The following MXRA5 variants were observed in gnomAD, a reference collection of about 807,000 sequenced individuals.
MXRA5 encodes the protein matrix remodeling associated 5.
Under a neutral mutation model 112.5 loss-of-function variants are expected in MXRA5, and 41 were observed. The observed-to-expected ratio is 0.36, with a 90% CI of 0.28 to 0.47. The LOEUF (loss-of-function observed/expected upper bound fraction) is 0.47, where lower values mean the gene tolerates loss of function less well. MXRA5 is among the 20% of genes least tolerant of loss of function. The probability of loss-of-function intolerance (pLI) is 0.99; values close to 1 mark genes in which losing one functional copy is unlikely to be tolerated. For missense variants in MXRA5, 2,150 were observed against 2,251.0 expected, an observed-to-expected ratio of 0.96 and a Z score of 0.91; for synonymous variants, 862 against 900.8, an observed-to-expected ratio of 0.96 and a Z score of 0.77.
chrX:3,333,519 C>G (rs761225630), intron 2 of MXRA5, among the ~76,000 whole-genome samples: 32 of 110,131 alleles, frequency 2.9e-4, no homozygotes, highest in Non-Finnish European at 3.8e-5. Context: ...ATAATGTCCC[C>G]TTTACAAAGA....
chrX:3,315,957 TC>T (rs1316481988), intron 6 of MXRA5, among the ~76,000 whole-genome samples: 5 of 102,620 alleles, frequency 4.9e-5, no homozygotes, highest in African/African-American at 1.6e-4. Context: ...TATCCTTTTT[TC>T]CTTTTTTTTT....
Position 3,320,296 on chromosome X carries a change from C to T in MXRA5, c.5389G>A (p.Gly1797Arg). 8.3e-7 allele frequency: 1 copy of T among 1,211,306 alleles called. No individual in the cohort carries two copies. Among genetic ancestry groups the T allele is most frequent in the Non-Finnish European group, 1.1e-6 (1 of 895,265 alleles). The change falls in exon 5 of 7, where the codon GGA (glycine) becomes AGA (arginine). Residue 1797 changes from glycine (G) to arginine (R), a missense_variant. Gly to Arg is a moderately radical substitution (Grantham distance 125, BLOSUM62 -2). Transcript: ENST00000217939. ...PPLLHTPQTT[G>R]SPSTNLQNIP... The stretch of plus-strand genomic sequence containing the variant: ...TTCTGTAAGTTAGTTGAGGGTGATC[C>T]CGTGGTCTGCGGAGTGTGCAACAAC...
Position 3,324,705 on chromosome X carries a change from C to G in MXRA5, c.980G>C (p.Gly327Ala), listed in dbSNP as rs1439703305. Residue 327 changes from glycine to alanine, a missense_variant, in exon 5 of 7, where the codon GGG (glycine) becomes GCG (alanine). Gly to Ala is a moderately conservative substitution (Grantham distance 60). This residue lies in a region of MXRA5 where 386 missense variants were observed against 411.0 expected (regional missense o/e 0.94). Coordinates refer to ENST00000217939, the MANE Select transcript of MXRA5 (RefSeq NM_015419.4). ...SISLNMTDEH[G>A]NMVNLVCDIK... ...GTCACAGACCAAGTTCACCATGTTC[C>G]CGTGCTCGTCGGTCATATTCAAAGA... The G allele has an allele frequency of 5.8e-6, 7 of 1,210,111 alleles. No individual in the cohort carries two copies. The highest frequency in any genetic ancestry group is 7.8e-6 in the Non-Finnish European group (7 of 894,552).
In MXRA5 at chrX:3,311,077, G is replaced by A; in HGVS notation, c.7126C>T (p.Pro2376Ser). The change falls in exon 7 of 7, where the codon CCC becomes TCC. Residue 2376 changes from proline to serine, a missense_variant. Pro to Ser is a moderately conservative substitution (Grantham distance 74, BLOSUM62 -1). Around this residue, in one of 6 missense-constraint regions of MXRA5, gnomAD observed 1,485 missense variants for 1,471.6 expected, o/e 1.01. Transcript: ENST00000217939. ...GTTGGGGACAACCAAGTCACCTTGGGCATGGGTTCTCCTTTGGCCTCACAG... is the reference window on the plus strand; with the variant it reads ...GTTGGGGACAACCAAGTCACCTTGGACATGGGTTCTCCTTTGGCCTCACAG... ...VACEAKGEPM[P>S]KVTWLSPTNK... 4 of 1,211,509 alleles carry A rather than the reference G, an allele frequency of 3.3e-6. No individual in the cohort carries two copies. Among genetic ancestry groups the A allele is most frequent in the Non-Finnish European group, 4.5e-6 (4 of 895,501 alleles).
chrX:3,315,729 C>A (rs1819428833), intron 6 of MXRA5, among the ~76,000 whole-genome samples: 1 of 110,670 alleles, frequency 9.0e-6, no homozygotes, highest in Non-Finnish European at 1.9e-5. Flanking sequence ...AGCCCAAGTA[C>A]ATTTTTATCA....
rs769179179 is a variant in MXRA5 at position 3,324,176 on chromosome X, C to T, written c.1509G>A (p.Val503=). ...EGGPCQLSCN[V]KASESPSIFW... ...AGATAGATGGACTCTCAGAAGCTTT[C>T]ACGTTGCAGCTCAACTGGCATGGAC... The change falls in exon 5 of 7, where the codon GTG becomes GTA. Residue 503 remains valine (V), a synonymous_variant. Coordinates refer to ENST00000217939, the MANE Select transcript of MXRA5 (RefSeq NM_015419.4). The T allele has an allele frequency of 3.3e-6, 4 of 1,211,558 alleles. No homozygotes were observed. The Admixed American group carries it at 8.7e-5, about 26-fold the overall frequency.
intron 5 of MXRA5, among the ~76,000 whole-genome samples, chrX:3,319,801 T>G (rs1181517612): frequency 9.0e-6 from 1 of 111,373 alleles, no homozygotes; most frequent in Non-Finnish European, 1.9e-5. Context: ...AGCCTGCACA[T>G]GTTCCCCCTG....
At chrX:3,345,792 C>A (rs1406229637) in intron 1 of MXRA5, among the ~76,000 whole-genome samples, 1 of 113,113 alleles carries the variant, frequency 8.8e-6, no homozygotes, top group East Asian at 2.8e-4. Context: ...TGGCCGGCTT[C>A]CAGAGTCCGC....
rs1920985607 is a variant in MXRA5, at chrX:3,311,159, G to C, written c.7044C>G (p.Ile2348Met). ...GAACCGCCAAGTAAGTCTTGTTCCG[G>C]ATGGTGGCGGGCGCTGTCACCACCT... is the stretch of plus-strand genomic sequence containing the variant. ...RVKVVTAPAT[I>M]RNKTYLAVQV... The change falls in exon 7 of 7, where the codon ATC (isoleucine) becomes ATG (methionine). Residue 2348 changes from isoleucine to methionine, a missense_variant. Ile to Met is a conservative substitution (Grantham distance 10). Around this residue, in one of 6 missense-constraint regions of MXRA5, gnomAD observed 1,485 missense variants for 1,471.6 expected, o/e 1.01. Coordinates refer to ENST00000217939, the MANE Select transcript of MXRA5 (RefSeq NM_015419.4). The C allele has an allele frequency of 1.7e-6, 2 of 1,209,610 alleles. No homozygotes were observed. Among genetic ancestry groups the C allele is most frequent in the Admixed American group, 2.2e-5 (1 of 45,738 alleles).
intron 2 of MXRA5, among the ~76,000 whole-genome samples, chrX:3,332,796 C>A (rs1489018531): frequency 6.3e-5 from 7 of 111,742 alleles, no homozygotes; most frequent in Non-Finnish European, 1.3e-4. Context: ...GTCTTGTCAG[C>A]TAAGCTCTGC....
chrX:3,313,130 C>A (rs1215946427), intron 6 of MXRA5, among the ~76,000 whole-genome samples: 1 of 112,471 alleles, frequency 8.9e-6, no homozygotes, highest in Non-Finnish European at 1.9e-5. Flanking sequence ...TGTCTGTAAA[C>A]ATTCTGAGGC....
In MXRA5 at chrX:3,310,328, C is replaced by T. The variant is rs1330746650; in HGVS notation, c.7875G>A (p.Thr2625=). 32 of 1,197,979 alleles carry T rather than the reference C, an allele frequency of 2.7e-5. No individual in the cohort carries two copies. Among genetic ancestry groups the T allele is most frequent in the African/African-American group, 3.6e-5 (2 of 56,274 alleles). The change falls in exon 7 of 7, where the codon ACG becomes ACA. Residue 2625 remains threonine (T), a synonymous_variant. Coordinates refer to ENST00000217939, the MANE Select transcript of MXRA5 (RefSeq NM_015419.4). The part of the protein sequence containing the change: ...RCVARNAAGH[T]ERLVSLKVGL... Reference sequence around the variant, plus strand: ...CCACCTTCAGGGAGACCAGCCTCTCCGTGTGGCCAGCGGCATTGCGGGCCA... The same window carrying T: ...CCACCTTCAGGGAGACCAGCCTCTCTGTGTGGCCAGCGGCATTGCGGGCCA...
chrX:3,320,230 T>C lies in MXRA5; in HGVS notation c.5455A>G (p.Ile1819Val), dbSNP rs201855244. The change falls in exon 5 of 7, where the codon ATA (isoleucine) becomes GTA (valine). Residue 1819 changes from isoleucine to valine, a missense_variant. Physicochemically the swap from Ile to Val is conservative, Grantham distance 29. Transcript: ENST00000217939. ...VSSTQSSISF[I>V]TSSVQSSGSF... Reference sequence around the variant, plus strand: ...CCTGAGGACTGGACAGAAGATGTTATAAAGGAGATAGAACTCTGGGTGGAA... The same window carrying C: ...CCTGAGGACTGGACAGAAGATGTTACAAAGGAGATAGAACTCTGGGTGGAA... The C allele has an allele frequency of 2.9e-5, 35 of 1,209,063 alleles. 1 individual carries two copies. In the South Asian group the frequency reaches 5.3e-4, roughly 18 times the overall value.
At chrX:3,326,562 G>A (rs745559658) in intron 4 of MXRA5, among the ~76,000 whole-genome samples, 12 of 106,210 alleles carry the variant, frequency 1.1e-4, no homozygotes, top group Admixed American at 2.1e-4. Context: ...TAATCAATAC[G>A]TATGTATCTA....
chrX:3,311,259 C>T lies in MXRA5; in HGVS notation c.6944G>A (p.Gly2315Glu). ...GGTGTAGTCTCCTTCCTCCCTCATC[C>T]CCACTTCGTTAAAGTAGAGTGTCCC... ...NNGTLYFNEV[G>E]MREEGDYTCF... Residue 2315 changes from glycine (G) to glutamate (E), a missense_variant, in exon 7 of 7, where the codon GGG (glycine) becomes GAG (glutamate). Transcript: ENST00000217939. 2 of 1,211,801 alleles carry T rather than the reference C, an allele frequency of 1.7e-6. No homozygotes were observed. The highest frequency in any genetic ancestry group is 2.2e-5 in the Admixed American group (1 of 46,055).
chrX:3,331,711 CT>C (rs748420724), intron 2 of MXRA5, among the ~76,000 whole-genome samples: 1 of 111,815 alleles, frequency 8.9e-6, no homozygotes, highest in Non-Finnish European at 1.9e-5. Context: ...AAGATAAGTT[CT>C]TTTTGTTTTA....
chrX:3,330,607 T>C, intron 3 of MXRA5, 37 bp downstream of exon 3: 1 of 1,199,490 alleles, frequency 8.3e-7, no homozygotes, highest in South Asian at 1.8e-5. Flanking sequence ...TCTTAGAGGA[T>C]GCAATTTAGT....
At chrX:3,319,973 C>CG in intron 5 of MXRA5, 35 bp downstream of exon 5, 1 of 884,894 alleles carries the variant, frequency 1.1e-6, no homozygotes, top group Non-Finnish European at 1.5e-6. Context: ...AAAAATTGAC[C>CG]AAAAAAAAAA....
intron 4 of MXRA5, among the ~76,000 whole-genome samples, chrX:3,328,966 G>A (rs1426670091): frequency 5.0e-5 from 5 of 99,563 alleles, no homozygotes; most frequent in African/African-American, 1.5e-4. Context: ...AGGAAGGAAC[G>A]AAGGAAGGAA....
Sources: gnomAD v4.1 joint callset for allele counts (sites outside exome capture counted in the v4.1 genomes callset) on GRCh38, gnomAD v4.1.1 for gene constraint, gnomAD v4.1.1 regional missense constraint, MANE v1.5 for transcripts, NCBI Gene and HGNC (gene_info 2026-07-23, HGNC 2026-07-21) for gene names.